The following STARD13 variants were observed in gnomAD, a reference collection of about 807,000 sequenced individuals.
STARD13 encodes stAR-related lipid transfer protein 13.
A neutral mutation model predicts 106.4 loss-of-function variants in STARD13; 62 were observed. That is an observed-to-expected ratio of 0.58 (90% CI 0.48 to 0.72). The LOEUF (loss-of-function observed/expected upper bound fraction) is 0.72, where lower values mean the gene tolerates loss of function less well. Among genes scored for constraint, STARD13 ranks in the 30% least tolerant of loss-of-function variants. The pLI is 0.00. For synonymous variants in STARD13, 565 were observed against 553.0 expected (o/e 1.02, Z -0.31); for missense variants, 1,387 against 1,424.0 (o/e 0.97, Z 0.42).
chr13:33,192,748 A>G (rs989762753), intron 1 of STARD13, among the ~76,000 whole-genome samples: 12 of 152,150 alleles, frequency 7.9e-5, no homozygotes, highest in African/African-American at 2.9e-4. Flanking sequence ...AAAATACAAA[A>G]TTAGCTGGGT....
chr13:33,136,512 T>C (rs1479301933), intron 4 of STARD13, among the ~76,000 whole-genome samples: 1 of 152,230 alleles, frequency 6.6e-6, no homozygotes, highest in Non-Finnish European at 1.5e-5. Context: ...CTCTGATTGA[T>C]CCTCACCCTT....
the STARD13 span, among the ~76,000 whole-genome samples, chr13:33,610,307 A>G: frequency 1.3e-5 from 2 of 152,196 alleles, no homozygotes; most frequent in Non-Finnish European, 2.9e-5. Flanking sequence ...AGTCTTACTT[A>G]TTTAAGGAGA....
intron 1 of STARD13, among the ~76,000 whole-genome samples, chr13:33,207,509 A>C (rs1216004590): frequency 6.6e-6 from 1 of 152,218 alleles, no homozygotes; most frequent in Admixed American, 6.5e-5. Flanking sequence ...CAAGGTTGAG[A>C]GTGCCTGTGT....
At chr13:33,248,315 C>A (rs149617414) in intron 1 of STARD13, among the ~76,000 whole-genome samples, 2 of 151,528 alleles carry the variant, frequency 1.3e-5, no homozygotes, top group East Asian at 1.9e-4. Context: ...CCAGCCTGGG[C>A]GACAGAGTGA....
intron 4 of STARD13, among the ~76,000 whole-genome samples, chr13:33,139,294 T>A (rs1321464587): frequency 3.3e-5 from 5 of 152,248 alleles, no homozygotes; most frequent in Non-Finnish European, 5.9e-5. Context: ...ATTCAAGTAC[T>A]GCCTCTGCTA....
intron 1 of STARD13, among the ~76,000 whole-genome samples, chr13:33,253,654 C>T (rs1325456662): frequency 6.6e-6 from 1 of 152,196 alleles, no homozygotes; most frequent in African/African-American, 2.4e-5. Context: ...CCTCTGCTGA[C>T]AGCTGTACAG....
At chr13:33,349,256 C>G (rs770557386) in intron 1 of STARD13, 15 of 702,090 alleles carry the variant, frequency 2.1e-5, no homozygotes, top group Non-Finnish European at 3.6e-5. Context: ...AGAGACTTGC[C>G]TCAGGGTCAC....
At chr13:33,154,306 T>A (rs1881683573) in intron 3 of STARD13, among the ~76,000 whole-genome samples, 1 of 152,030 alleles carries the variant, frequency 6.6e-6, no homozygotes, top group Admixed American at 6.6e-5. Context: ...TGCCGAGTGG[T>A]CAGGCTGCAG....
At chr13:33,536,007 C>T in the STARD13 span, among the ~76,000 whole-genome samples, 1 of 152,146 alleles carries the variant, frequency 6.6e-6, no homozygotes, top group African/African-American at 2.4e-5. Flanking sequence ...GGAATAAGAG[C>T]ATCAGTGATT....
At chr13:33,532,496 GAAT>G in the STARD13 span, among the ~76,000 whole-genome samples, 1 of 152,134 alleles carries the variant, frequency 6.6e-6, no homozygotes, top group Non-Finnish European at 1.5e-5. Flanking sequence ...AAGTTTTCTT[GAAT>G]AATAATTTTT....
chr13:33,417,113 AC>A, the STARD13 span, among the ~76,000 whole-genome samples: 1 of 152,250 alleles, frequency 6.6e-6, no homozygotes, highest in Non-Finnish European at 1.5e-5. Flanking sequence ...CAATAGGCAC[AC>A]AAAAAGATGC....
chr13:33,171,443 A>T (rs1444241214), intron 1 of STARD13, among the ~76,000 whole-genome samples: 1 of 152,222 alleles, frequency 6.6e-6, no homozygotes, highest in Admixed American at 6.5e-5. Context: ...CTATGTAATA[A>T]TTATTTCATT....
chr13:33,557,094 C>T, the STARD13 span, among the ~76,000 whole-genome samples: 4 of 152,176 alleles, frequency 2.6e-5, no homozygotes, highest in Non-Finnish European at 5.9e-5. Context: ...GTACTAAATT[C>T]ACAAGAGATA....
the STARD13 span, among the ~76,000 whole-genome samples, chr13:33,587,400 GC>G: frequency 6.6e-6 from 1 of 151,992 alleles, no homozygotes; most frequent in Admixed American, 6.5e-5. Context: ...AGTTCTGCAA[GC>G]TTAATCTCAT....
chr13:33,284,273 A>G (rs1190440343), intron 1 of STARD13, among the ~76,000 whole-genome samples: 2 of 152,156 alleles, frequency 1.3e-5, no homozygotes, highest in Non-Finnish European at 2.9e-5. Flanking sequence ...AACAAATCCT[A>G]ATTTCCAAGG....
chr13:33,612,500 C>T, the STARD13 span, among the ~76,000 whole-genome samples: 1 of 152,156 alleles, frequency 6.6e-6, no homozygotes, highest in Non-Finnish European at 1.5e-5. Context: ...GGCACAGCCT[C>T]CTGGAAGCCC....
At chr13:33,186,068 C>T (rs748469327) in intron 1 of STARD13, 2 of 1,606,942 alleles carry the variant, frequency 1.2e-6, no homozygotes, top group African/African-American at 2.7e-5. Flanking sequence ...ATAGTCCTCT[C>T]TCATGTTTCC....
chr13:33,271,835 TAA>T (rs952345192), intron 1 of STARD13, among the ~76,000 whole-genome samples: 1 of 146,980 alleles, frequency 6.8e-6, no homozygotes, highest in Admixed American at 6.8e-5. Flanking sequence ...AACATACAAA[TAA>T]AAAAAAAACT....
chr13:33,542,461 T>C, the STARD13 span, among the ~76,000 whole-genome samples: 1 of 152,228 alleles, frequency 6.6e-6, no homozygotes. Context: ...CGCCACCATT[T>C]CCGCCTTGCC....
Sources: gnomAD v4.1 joint callset for allele counts (sites outside exome capture counted in the v4.1 genomes callset) on GRCh38, gnomAD v4.1.1 for gene constraint, MANE v1.5 for transcripts, NCBI Gene and HGNC (gene_info 2026-07-23, HGNC 2026-07-21) for gene names.